AKAP7: variants seen among roughly 807,000 people sequenced by gnomAD.
AKAP7 encodes the protein A kinase (PRKA) anchor protein 7.
A neutral mutation model predicts 39.5 loss-of-function variants in AKAP7; 39 were observed. The observed-to-expected ratio is 0.99, with a 90% CI of 0.76 to 1.29. AKAP7 has a LOEUF of 1.29. Ranked by LOEUF, AKAP7 falls within the 50% of genes most tolerant of loss-of-function variation. AKAP7 has a pLI of 0.00. For synonymous variants in AKAP7, 140 were observed against 139.1 expected, an observed-to-expected ratio of 1.01 and a Z score of -0.05; for missense variants, 414 against 407.7, an observed-to-expected ratio of 1.02 and a Z score of -0.13.
At chr6:131,139,435 T>C (rs17182591) in intron 1 of AKAP7, among the ~76,000 whole-genome samples, 178 of 152,356 alleles carry the variant, frequency 1.2e-3, no homozygotes, top group Middle Eastern at 6.8e-3. Context: ...AGGTAAAGAA[T>C]GATGTTGAAC....
At chr6:131,246,941 A>C (rs1812049654) in intron 7 of AKAP7, among the ~76,000 whole-genome samples, 1 of 146,044 alleles carries the variant, frequency 6.8e-6, no homozygotes, top group Non-Finnish European at 1.5e-5. Context: ...AGACAGATTG[A>C]GTTCAGATCC....
intron 6 of AKAP7, among the ~76,000 whole-genome samples, chr6:131,207,492 T>TA (rs1808232476): frequency 3.4e-5 from 3 of 89,376 alleles, no homozygotes; most frequent in African/African-American, 1.5e-4. Context: ...CTAATTAAAA[T>TA]TTTTTTTTTT....
intron 6 of AKAP7, among the ~76,000 whole-genome samples, chr6:131,200,480 A>G (rs1455089682): frequency 6.6e-6 from 1 of 152,272 alleles, no homozygotes; most frequent in East Asian, 1.9e-4. Context: ...AATGAAGGCC[A>G]TGTGTAGTAG....
chr6:131,146,835 C>A (rs1024672629), intron 2 of AKAP7, among the ~76,000 whole-genome samples: 4 of 152,192 alleles, frequency 2.6e-5, no homozygotes, highest in Non-Finnish European at 5.9e-5. Context: ...ATTTGTTAGT[C>A]ATTTCTTTGA....
At chr6:131,196,056 C>CT (rs932362001) in intron 5 of AKAP7, among the ~76,000 whole-genome samples, 2 of 152,006 alleles carry the variant, frequency 1.3e-5, no homozygotes, top group Admixed American at 6.6e-5. Context: ...CTTTCTCTCC[C>CT]TTTTTTTAAG....
intron 2 of AKAP7, among the ~76,000 whole-genome samples, chr6:131,145,763 AG>A (rs1477062205): frequency 3.9e-5 from 6 of 152,114 alleles, no homozygotes; most frequent in Non-Finnish European, 8.8e-5. Context: ...CATGTTGCCC[AG>A]GCTGGTCTCA....
intron 1 of AKAP7, 130 bp downstream of exon 1, chr6:131,135,912 A>C: frequency 9.6e-7 from 1 of 1,042,576 alleles, no homozygotes; most frequent in Non-Finnish European, 1.2e-6. Context: ...CTCCTTCCCA[A>C]AAGGACTCAG....
intron 5 of AKAP7, among the ~76,000 whole-genome samples, chr6:131,197,782 G>T (rs895060817): frequency 6.6e-6 from 1 of 152,114 alleles, no homozygotes; most frequent in Non-Finnish European, 1.5e-5. Context: ...ACACCAGGCC[G>T]TGGGGGCTAC....
intron 7 of AKAP7, among the ~76,000 whole-genome samples, chr6:131,252,795 A>G (rs1193451785): frequency 6.6e-6 from 1 of 152,144 alleles, no homozygotes; most frequent in Admixed American, 6.6e-5. Flanking sequence ...ATTGTACCGT[A>G]ACCTCCTGGG....
chr6:131,253,219 G>A (rs1430375271), intron 7 of AKAP7: 3 of 982,310 alleles, frequency 3.1e-6, no homozygotes, highest in Non-Finnish European at 3.0e-6. Flanking sequence ...TAGTGCTACT[G>A]TTTTAGTCTA....
chr6:131,220,821 T>C (rs1396947594), intron 7 of AKAP7, among the ~76,000 whole-genome samples: 1 of 152,188 alleles, frequency 6.6e-6, no homozygotes, highest in East Asian at 1.9e-4. Flanking sequence ...TGATCTTTGA[T>C]GTTATTATCG....
At chr6:131,147,897 T>C (rs1195946619) in intron 2 of AKAP7, among the ~76,000 whole-genome samples, 1 of 152,228 alleles carries the variant, frequency 6.6e-6, no homozygotes, top group Non-Finnish European at 1.5e-5. Context: ...TATGAACACA[T>C]AGCTTCTACT....
At chr6:131,233,950 G>A (rs1436655015) in intron 7 of AKAP7, among the ~76,000 whole-genome samples, 1 of 152,180 alleles carries the variant, frequency 6.6e-6, no homozygotes, top group African/African-American at 2.4e-5. Flanking sequence ...ATCCAATTCA[G>A]TTGCACCCTT....
At chr6:131,239,678 C>G (rs1379686446) in intron 7 of AKAP7, among the ~76,000 whole-genome samples, 5 of 152,190 alleles carry the variant, frequency 3.3e-5, no homozygotes, top group African/African-American at 4.8e-5. Context: ...CACTGATACC[C>G]TTTCTTCCAG....
chr6:131,187,767 G>A (rs1806013483), intron 5 of AKAP7, among the ~76,000 whole-genome samples: 1 of 152,196 alleles, frequency 6.6e-6, no homozygotes, highest in South Asian at 2.1e-4. Context: ...TTTAACTTTA[G>A]GTAGTCTCTC....
chr6:131,155,042 G>A (rs1321412064), intron 2 of AKAP7, among the ~76,000 whole-genome samples: 1 of 150,806 alleles, frequency 6.6e-6, no homozygotes, highest in Non-Finnish European at 1.5e-5. Flanking sequence ...CTTTCTGAGA[G>A]ACAGGGCCTC....
chr6:131,162,797 T>G (rs1013712139), intron 3 of AKAP7, among the ~76,000 whole-genome samples: 1 of 152,122 alleles, frequency 6.6e-6, no homozygotes. Flanking sequence ...AGCTCAAACC[T>G]CTCTACCCAT....
chr6:131,219,258 C>A (rs1327028766), intron 6 of AKAP7, among the ~76,000 whole-genome samples: 1 of 150,234 alleles, frequency 6.7e-6, no homozygotes, highest in Non-Finnish European at 1.5e-5. Flanking sequence ...CCACTGCACT[C>A]CAGCCTGGGT....
chr6:131,253,015 G>A, intron 7 of AKAP7: 1 of 1,611,346 alleles, frequency 6.2e-7, no homozygotes, highest in Non-Finnish European at 8.5e-7. Context: ...TTAAATTTGT[G>A]GGTGTTATTC....
Sources: allele counts gnomAD v4.1 joint callset (sites outside exome capture counted in the v4.1 genomes callset), GRCh38; gene constraint gnomAD v4.1.1; transcripts MANE v1.5; gene names NCBI Gene and HGNC (gene_info 2026-07-23, HGNC 2026-07-21).